The following CMYA5 variants were observed in gnomAD, a reference collection of about 807,000 sequenced individuals.
The protein encoded by CMYA5 is cardiomyopathy-associated protein 5.
CMYA5 carries 246 observed loss-of-function variants against 318.9 expected under a neutral mutation model. The ratio of observed to expected loss-of-function variants is 0.77; its 90% CI spans 0.70 to 0.86. CMYA5 has a LOEUF of 0.86. Ranked by LOEUF, CMYA5 falls within the 40% of genes least tolerant of loss-of-function variation. The probability of loss-of-function intolerance (pLI) is 0.00; values close to 1 mark genes in which losing one functional copy is unlikely to be tolerated. For missense variants in CMYA5, 4,589 were observed against 4,678.2 expected, an observed-to-expected ratio of 0.98 and a Z score of 0.56; for synonymous variants, 1,641 against 1,729.5, an observed-to-expected ratio of 0.95 and a Z score of 1.27.
Position 79,736,586 on chromosome 5 carries a change from A to G in CMYA5, c.7821A>G (p.Pro2607=). The G allele has an allele frequency of 1.2e-6, 2 of 1,613,824 alleles. No individual in the cohort carries two copies. The highest frequency in any genetic ancestry group is 1.7e-6 in the Non-Finnish European group (2 of 1,179,792). Residue 2607 remains proline, a synonymous_variant, in exon 2 of 13, where the codon CCA becomes CCG. Transcript: ENST00000446378. ...KSEAMLAEAH[P]EIREAKAVGT... is the part of the protein sequence containing the mutation. Reference sequence around the variant, plus strand: ...AAGCCATGCTCGCAGAGGCTCACCCAGAAATCAGAGAAGCAAAGGCAGTAG... The same window carrying G: ...AAGCCATGCTCGCAGAGGCTCACCCGGAAATCAGAGAAGCAAAGGCAGTAG...
intron 9 of CMYA5, among the ~76,000 whole-genome samples, chr5:79,784,890 C>T (rs6868923): frequency 0.018 from 2,713 of 152,038 alleles, 86 homozygotes; most frequent in African/African-American, 0.06. Context: ...GCGTCGCTCA[C>T]GCTGGGAGCT....
In CMYA5 at chr5:79,729,373, C is replaced by T. The variant is rs747738648; in HGVS notation, c.608C>T (p.Pro203Leu). 1.1e-5 allele frequency: 18 copies of T among 1,613,506 alleles called. No homozygotes were observed. The highest frequency in any genetic ancestry group is 7.7e-5 in the South Asian group (7 of 91,046). Residue 203 changes from proline to leucine, a missense_variant, in exon 2 of 13, where the codon CCG becomes CTG. Physicochemically the swap from Pro to Leu is moderately conservative, Grantham distance 98. Transcript: ENST00000446378. ...AAGAAGACCACTTCAAATACACCTCCGATTACTGGGGCAATATACAAAGAA... is the reference window on the plus strand; with the variant it reads ...AAGAAGACCACTTCAAATACACCTCTGATTACTGGGGCAATATACAAAGAA... ...RKKKTTSNTP[P>L]ITGAIYKEHK...
intron 9 of CMYA5, among the ~76,000 whole-genome samples, chr5:79,775,196 C>A (rs1828916714): frequency 6.6e-6 from 1 of 152,178 alleles, no homozygotes; most frequent in Admixed American, 6.5e-5. Flanking sequence ...CATCGCATCC[C>A]CCAGTGTCTT....
intron 10 of CMYA5, among the ~76,000 whole-genome samples, chr5:79,789,976 A>G (rs1433807831): frequency 6.6e-6 from 1 of 152,248 alleles, no homozygotes; most frequent in East Asian, 1.9e-4. Context: ...ATGCCAACAA[A>G]AAATGTTTGT....
chr5:79,706,298 G>A (rs946680948), intron 1 of CMYA5, among the ~76,000 whole-genome samples: 19 of 152,312 alleles, frequency 1.2e-4, no homozygotes, highest in Admixed American at 6.5e-4. Context: ...CAGAAGTACA[G>A]TATACAGAGA....
chr5:79,793,495 A>C lies in CMYA5; in HGVS notation c.11848A>C (p.Thr3950Pro). The C allele has an allele frequency of 6.2e-7, 1 of 1,613,930 alleles. No homozygotes were observed. The change falls in exon 12 of 13, where the codon ACA becomes CCA. Residue 3950 changes from threonine (T) to proline (P), a missense_variant. Thr to Pro is a conservative substitution (Grantham distance 38, BLOSUM62 -1). Coordinates refer to ENST00000446378, the MANE Select transcript of CMYA5 (RefSeq NM_153610.5). The stretch of plus-strand genomic sequence containing the variant: ...CTGTGGCCAGCATTACTGGGAAACC[A>C]CAGTCACAGACTGCCCAGCATATCG... ...PSCGQHYWET[T>P]VTDCPAYRLG... is the part of the protein sequence containing the mutation.
At chr5:79,710,434 GT>G (rs66532081) in intron 1 of CMYA5, among the ~76,000 whole-genome samples, 3,231 of 152,174 alleles carry the variant, frequency 0.021, 112 homozygotes, top group African/African-American at 0.073. Flanking sequence ...GAGACCAAAA[GT>G]TTTGAGAATA....
In CMYA5 at chr5:79,722,028, A is replaced by G. The variant is rs568893629; in HGVS notation, c.150-6887A>G. Among the ~76,000 whole-genome samples, 4 of 152,352 alleles carry G rather than the reference A, an allele frequency of 2.6e-5. 1 individual carries two copies. Among genetic ancestry groups the G allele is most frequent in the African/African-American group, 9.6e-5 (4 of 41,586 alleles). The stretch of plus-strand genomic sequence containing the variant: ...AAACTGCAGAACATATGTTCTTTTC[A>G]TGAACCCATAAACATTTTTCTTAAA... On this transcript the variant is annotated intron_variant, in intron 1 of 12. Transcript: ENST00000446378.
intron 1 of CMYA5, among the ~76,000 whole-genome samples, chr5:79,709,921 A>G (rs1264217630): frequency 2.2e-5 from 3 of 136,378 alleles, no homozygotes; most frequent in Non-Finnish European, 4.6e-5. Context: ...AGATTATGCA[A>G]CTGAGCTCCA....
At chr5:79,769,330 G>T (rs559314320) in intron 9 of CMYA5, among the ~76,000 whole-genome samples, 3 of 151,994 alleles carry the variant, frequency 2.0e-5, no homozygotes, top group Admixed American at 1.3e-4. Context: ...GTCTAGTTTT[G>T]TTCCCTTGCT....
Position 79,730,956 on chromosome 5 carries a change from A to T in CMYA5, c.2191A>T (p.Ile731Phe). ...ATTGAAAGGTGTTTCTGAGTACATG[A>T]TTCCATCAGAAGAGAAGGAAGACAC... is the stretch of plus-strand genomic sequence containing the variant. ...LILKGVSEYM[I>F]PSEEKEDTGS... Residue 731 changes from isoleucine to phenylalanine, a missense_variant, in exon 2 of 13, where the codon ATT becomes TTT. Ile to Phe is a conservative substitution (Grantham distance 21). This residue lies in a region of CMYA5 where 2,132 missense variants were observed against 2,131.3 expected (regional missense o/e 1.00). Coordinates refer to ENST00000446378, the MANE Select transcript of CMYA5 (RefSeq NM_153610.5). 1.9e-6 allele frequency: 3 copies of T among 1,613,920 alleles called. No individual in the cohort carries two copies. The South Asian group carries it at 3.3e-5, about 18-fold the overall frequency.
rs371863606 is a variant in CMYA5 at position 79,793,598 on chromosome 5, C to A, written c.11951C>A (p.Ser3984Tyr). ...QGETSWYMHC[S>Y]EPQRYTFFYS... ...GAGACCTCATGGTACATGCACTGCT[C>A]TGAGCCACAGAGGTAAGCGAGCCCT... The change falls in exon 12 of 13, where the codon TCT becomes TAT. Residue 3984 changes from serine (S) to tyrosine (Y), a missense_variant. Coordinates refer to ENST00000446378, the MANE Select transcript of CMYA5 (RefSeq NM_153610.5). The A allele has an allele frequency of 3.1e-5, 49 of 1,602,468 alleles. No homozygotes were observed. The African/African-American group carries it at 5.8e-4, about 19-fold the overall frequency.
In CMYA5 at chr5:79,788,729, AGTGTCTG is replaced by A. The variant is rs1829123591; in HGVS notation, c.11556-239_11556-233del. On this transcript the variant is annotated intron_variant, in intron 9 of 12. Coordinates refer to ENST00000446378, the MANE Select transcript of CMYA5 (RefSeq NM_153610.5). ...GTAGTCTGTTTTCTGAATTTTTTTAAGTGTCTGGTTCTGTTGCAAAGAGCATTCTGGA... is the reference window on the plus strand; with the variant it reads ...GTAGTCTGTTTTCTGAATTTTTTTAAGTTCTGTTGCAAAGAGCATTCTGGA... 2.6e-5 allele frequency among the ~76,000 whole-genome samples: 4 copies of A among 152,158 alleles called. No homozygotes were observed. The South Asian group carries it at 8.3e-4, about 32-fold the overall frequency.
chr5:79,728,844 T>G (rs915663864), intron 1 of CMYA5, 71 bp from the exon 2 acceptor site: 37 of 695,776 alleles, frequency 5.3e-5, no homozygotes, highest in Non-Finnish European at 7.3e-5. Context: ...GGTAAAAATG[T>G]ATTTACTTAT....
intron 1 of CMYA5, among the ~76,000 whole-genome samples, chr5:79,725,794 C>T (rs565181554): frequency 6.6e-6 from 1 of 152,314 alleles, no homozygotes; most frequent in East Asian, 1.9e-4. Context: ...ATCCCAGCTA[C>T]TTCCGAGGCT....
At position 79,793,630 on chromosome 5, in the gene CMYA5, C is replaced by T. The variant is rs1386729435; in HGVS notation, c.11963+20C>T. On this transcript the variant is annotated intron_variant, in intron 12 of 12. Coordinates refer to ENST00000446378, the MANE Select transcript of CMYA5 (RefSeq NM_153610.5). The stretch of plus-strand genomic sequence containing the variant: ...ACAGAGGTAAGCGAGCCCTTCCCCT[C>T]CCCTCTTCATCAAAATATTATGCTT... The T allele has an allele frequency of 5.1e-6, 8 of 1,578,264 alleles. No individual in the cohort carries two copies. Among genetic ancestry groups the T allele is most frequent in the Non-Finnish European group, 6.9e-6 (8 of 1,152,740 alleles).
At chr5:79,715,440 A>T (rs7708724) in intron 1 of CMYA5, among the ~76,000 whole-genome samples, 68,405 of 151,680 alleles carry the variant, frequency 0.45, 16,409 homozygotes, top group African/African-American at 0.61. Flanking sequence ...GGCGCCCGCC[A>T]CCACGCCCGG....
chr5:79,712,560 C>T (rs1827416938), intron 1 of CMYA5, among the ~76,000 whole-genome samples: 1 of 151,934 alleles, frequency 6.6e-6, no homozygotes, highest in African/African-American at 2.4e-5. Flanking sequence ...AAAGTGTTGC[C>T]AAACACTATA....
At chr5:79,700,107 A>G (rs1294123185) in intron 1 of CMYA5, among the ~76,000 whole-genome samples, 1 of 152,094 alleles carries the variant, frequency 6.6e-6, no homozygotes, top group Non-Finnish European at 1.5e-5. Context: ...CCACTCTTAT[A>G]TTTTTCTTTC....
Sources: gnomAD v4.1 joint callset for allele counts (sites outside exome capture counted in the v4.1 genomes callset) on GRCh38, gnomAD v4.1.1 for gene constraint, gnomAD v4.1.1 regional missense constraint, MANE v1.5 for transcripts, NCBI Gene and HGNC (gene_info 2026-07-23, HGNC 2026-07-21) for gene names.